The following HMGN3 variants were observed in gnomAD, a reference collection of about 807,000 sequenced individuals.
HMGN3 encodes high mobility group nucleosomal binding domain 3.
Under a neutral mutation model 18.8 loss-of-function variants are expected in HMGN3, and 6 were observed. The observed-to-expected ratio is 0.32, with a 90% confidence interval of 0.18 to 0.63. HMGN3 has a LOEUF of 0.63. Among genes scored for constraint, HMGN3 ranks in the 30% least tolerant of loss-of-function variants. The pLI, the probability that HMGN3 is intolerant of heterozygous loss-of-function variation, is 0.79. For synonymous variants in HMGN3, 40 were observed against 36.5 expected (o/e 1.10, Z -0.35); for missense variants, 107 against 114.2 (o/e 0.94, Z 0.29).
intron 3 of HMGN3, 124 bp downstream of exon 3, chr6:79,208,423 G>C (rs1394131779): frequency 1.1e-5 from 9 of 837,176 alleles, no homozygotes; most frequent in Non-Finnish European, 1.8e-5. Context: ...AGGACCCTAG[G>C]TAATTTTCAA....
chr6:79,209,702 T>C (rs538757528), intron 2 of HMGN3, among the ~76,000 whole-genome samples: 1 of 152,348 alleles, frequency 6.6e-6, no homozygotes, highest in South Asian at 2.1e-4. Context: ...CATGGAATTC[T>C]TGAAGTGGGG....
intron 1 of HMGN3, 81 bp downstream of exon 1, chr6:79,234,465 T>A: frequency 7.2e-7 from 1 of 1,396,796 alleles, no homozygotes; most frequent in South Asian, 1.2e-5. Context: ...CCGCGCGCGT[T>A]CTGCGCGAGC....
chr6:79,216,744 C>T (rs1777006412), intron 1 of HMGN3, among the ~76,000 whole-genome samples: 1 of 152,170 alleles, frequency 6.6e-6, no homozygotes, highest in African/African-American at 2.4e-5. Flanking sequence ...AAATCTTAGT[C>T]TGAGCATATG....
intron 2 of HMGN3, among the ~76,000 whole-genome samples, chr6:79,210,097 G>A (rs1224535683): frequency 1.3e-5 from 2 of 152,158 alleles, no homozygotes; most frequent in Non-Finnish European, 2.9e-5. Flanking sequence ...TATCAAGGGT[G>A]CATTCTTGAC....
intron 2 of HMGN3, among the ~76,000 whole-genome samples, chr6:79,214,405 G>T (rs1403960402): frequency 1.3e-5 from 2 of 151,970 alleles, no homozygotes; most frequent in Non-Finnish European, 2.9e-5. Flanking sequence ...GTTTCACCGT[G>T]TTAGCCAGGA....
intron 1 of HMGN3, among the ~76,000 whole-genome samples, chr6:79,224,327 T>C (rs1279240070): frequency 1.3e-5 from 2 of 152,184 alleles, no homozygotes; most frequent in South Asian, 2.1e-4. Flanking sequence ...TCTGGGATTC[T>C]AGAAGAGCAA....
At chr6:79,234,664 G>T (rs1048919960) in exon 1 of HMGN3, 6 of 1,157,286 alleles carry the variant, frequency 5.2e-6, no homozygotes, top group Admixed American at 1.8e-5. Context: ...CGCAGGGCAC[G>T]ACGTAGCCCG....
chr6:79,213,876 T>G (rs954344316), intron 2 of HMGN3, among the ~76,000 whole-genome samples: 23 of 152,312 alleles, frequency 1.5e-4, no homozygotes, highest in African/African-American at 5.3e-4. Context: ...GTCTCACCCA[T>G]GACCCCTTTT....
chr6:79,213,774 G>A (rs919995114), intron 2 of HMGN3, among the ~76,000 whole-genome samples: 1 of 152,196 alleles, frequency 6.6e-6, no homozygotes, highest in African/African-American at 2.4e-5. Flanking sequence ...CAAATCTTGT[G>A]CAGGGGTTTT....
chr6:79,221,048 G>GT (rs879514159), intron 1 of HMGN3, among the ~76,000 whole-genome samples: 6 of 151,884 alleles, frequency 4.0e-5, no homozygotes, highest in Non-Finnish European at 7.4e-5. Context: ...CTGTATTTAT[G>GT]TTTTTTTCTA....
At chr6:79,209,268 A>G (rs896095659) in intron 2 of HMGN3, among the ~76,000 whole-genome samples, 1 of 152,200 alleles carries the variant, frequency 6.6e-6, no homozygotes, top group Non-Finnish European at 1.5e-5. Context: ...TTTTTCTTCA[A>G]GGATATTACA....
At chr6:79,228,038 G>C (rs1777646343) in intron 1 of HMGN3, among the ~76,000 whole-genome samples, 1 of 152,124 alleles carries the variant, frequency 6.6e-6, no homozygotes, top group South Asian at 2.1e-4. Flanking sequence ...ACACAACAGG[G>C]TGGTTAAAAG....
chr6:79,203,292 G>A (rs945876373), intron 4 of HMGN3, among the ~76,000 whole-genome samples: 2 of 152,122 alleles, frequency 1.3e-5, no homozygotes, highest in Non-Finnish European at 2.9e-5. Context: ...ACTCATCCCC[G>A]CTGTGTGCCG....
intron 1 of HMGN3, among the ~76,000 whole-genome samples, chr6:79,218,878 A>T (rs1186128288): frequency 6.6e-6 from 1 of 152,186 alleles, no homozygotes; most frequent in Non-Finnish European, 1.5e-5. Context: ...AACTCAAAAC[A>T]CGGATAAACT....
chr6:79,218,324 A>G (rs531891102), intron 1 of HMGN3, among the ~76,000 whole-genome samples: 50 of 152,352 alleles, frequency 3.3e-4, no homozygotes, highest in Non-Finnish European at 5.9e-4. Flanking sequence ...TACTTAAAAG[A>G]GACACCAAAA....
exon 6 of HMGN3, chr6:79,201,412 A>C (rs1776127474): frequency 7.5e-6 from 3 of 398,058 alleles, no homozygotes; most frequent in Non-Finnish European, 1.3e-5. Flanking sequence ...AAAACACCAC[A>C]GTATGCACAG....
At chr6:79,224,114 T>C (rs1777444356) in intron 1 of HMGN3, among the ~76,000 whole-genome samples, 1 of 152,216 alleles carries the variant, frequency 6.6e-6, no homozygotes, top group African/African-American at 2.4e-5. Context: ...AACATGATTA[T>C]ATCCATTTTA....
At chr6:79,217,824 A>C (rs989079393) in intron 1 of HMGN3, among the ~76,000 whole-genome samples, 1 of 152,242 alleles carries the variant, frequency 6.6e-6, no homozygotes, top group African/African-American at 2.4e-5. Context: ...GAATAAAAAC[A>C]TAGAAAGGAG....
At chr6:79,204,509 AG>A (rs1776302923) in intron 3 of HMGN3, among the ~76,000 whole-genome samples, 1 of 152,218 alleles carries the variant, frequency 6.6e-6, no homozygotes, top group Non-Finnish European at 1.5e-5. Flanking sequence ...ATTTTACACC[AG>A]GAGTTTTCTG....
Sources: gnomAD v4.1 joint callset for allele counts (sites outside exome capture counted in the v4.1 genomes callset) on GRCh38, gnomAD v4.1.1 for gene constraint, MANE v1.5 for transcripts, NCBI Gene and HGNC (gene_info 2026-07-23, HGNC 2026-07-21) for gene names.